The following ZNF90 variants were observed in gnomAD, a reference collection of about 807,000 sequenced individuals.
The protein encoded by ZNF90 is zinc finger protein HTF9.
A neutral mutation model predicts 12.0 loss-of-function variants in ZNF90; 11 were observed. The observed-to-expected ratio is 0.92, with a 90% CI of 0.58 to 1.52. The LOEUF is 1.52. ZNF90 is among the 40% of genes most tolerant of loss of function. ZNF90 has a pLI of 0.00. For synonymous variants in ZNF90, 232 were observed against 240.1 expected (o/e 0.97, Z 0.31); for missense variants, 765 against 711.5 (o/e 1.08, Z -0.86).
In ZNF90 at chr19:20,105,347, C is replaced by A; in HGVS notation, c.226+31C>A. On this transcript the variant is annotated intron_variant, in intron 3 of 3. Coordinates refer to ENST00000418063, the MANE Select transcript of ZNF90 (RefSeq NM_007138.2). ...TGCGAGTGAAAATGAATACAACAGA[C>A]AACACAGATAAGAGGTCCCAAGGTC... The A allele has an allele frequency of 5.1e-6, 8 of 1,562,608 alleles. No individual in the cohort carries two copies. The East Asian group carries it at 1.8e-4, about 36-fold the overall frequency.
In ZNF90 at chr19:20,118,851, G is replaced by A. The variant is rs1555706166; in HGVS notation, c.1297G>A (p.Val433Ile). 4.4e-6 allele frequency: 7 copies of A among 1,605,808 alleles called. No individual in the cohort carries two copies. The highest frequency in any genetic ancestry group is 1.3e-5 in the African/African-American group (1 of 74,438). ...CTACAAATGTCAAGAATGTGACAAA[G>A]TCTTCAAACGCTCCTCAGCCCTTAG... ...KPYKCQECDK[V>I]FKRSSALSTH... The change falls in exon 4 of 4, where the codon GTC becomes ATC. Residue 433 changes from valine (V) to isoleucine (I), a missense_variant. Physicochemically the swap from Val to Ile is conservative, Grantham distance 29. Transcript: ENST00000418063.
intron 1 of ZNF90, 24 bp from the exon 2 acceptor site, chr19:20,104,215 T>A: frequency 6.2e-7 from 1 of 1,611,530 alleles, no homozygotes; most frequent in Non-Finnish European, 8.5e-7. Flanking sequence ...TAAAAATGTG[T>A]GTGTGTATAT....
chr19:20,080,323 G>T, intron 1 of ZNF90: 1 of 518,606 alleles, frequency 1.9e-6, no homozygotes, highest in South Asian at 1.6e-5. Flanking sequence ...TGTTTTACCA[G>T]TACAACACTC....
chr19:20,094,769 C>T (rs2088929574), intron 1 of ZNF90, among the ~76,000 whole-genome samples: 1 of 150,996 alleles, frequency 6.6e-6, no homozygotes, highest in South Asian at 2.1e-4. Context: ...CAGAGTTAGA[C>T]ATTGGAATTC....
intron 1 of ZNF90, among the ~76,000 whole-genome samples, chr19:20,081,958 G>A (rs2088823682): frequency 6.6e-6 from 1 of 151,764 alleles, no homozygotes; most frequent in Admixed American, 6.6e-5. Context: ...TAGAGACGGG[G>A]TTTCACCATG....
chr19:20,085,268 C>CTTTTTTTTTTTCTTTTTTTTT (rs56068843), intron 1 of ZNF90, among the ~76,000 whole-genome samples: 39 of 135,570 alleles, frequency 2.9e-4, no homozygotes, highest in African/African-American at 1.0e-3. Flanking sequence ...TTGCATTGGT[C>CTTTTTTTTTTTCTTTTTTTTT]TTTTTTTTTT....
intron 3 of ZNF90, among the ~76,000 whole-genome samples, chr19:20,107,350 GTCTGTA>G (rs2089049010): frequency 1.3e-5 from 2 of 152,126 alleles, no homozygotes; most frequent in African/African-American, 4.8e-5. Flanking sequence ...CCCGATCCTG[GTCTGTA>G]GCCAAGAACA....
At chr19:20,106,627 G>C (rs1378495271) in intron 3 of ZNF90, among the ~76,000 whole-genome samples, 2 of 152,128 alleles carry the variant, frequency 1.3e-5, no homozygotes, top group African/African-American at 4.8e-5. Flanking sequence ...CTAATTTTTT[G>C]TATTTTTAGT....
intron 3 of ZNF90, among the ~76,000 whole-genome samples, chr19:20,113,932 CTG>C (rs1555705417): frequency 2.6e-5 from 4 of 152,034 alleles, no homozygotes; most frequent in African/African-American, 9.7e-5. Context: ...AATACTAACT[CTG>C]TATTTTTTTA....
intron 3 of ZNF90, among the ~76,000 whole-genome samples, chr19:20,117,260 T>A (rs545117033): frequency 1.3e-5 from 2 of 152,138 alleles, no homozygotes; most frequent in Non-Finnish European, 2.9e-5. Flanking sequence ...GTCAGGCTGG[T>A]CTCAACCTCC....
intron 1 of ZNF90, among the ~76,000 whole-genome samples, chr19:20,081,695 C>T (rs373327573): frequency 6.6e-6 from 1 of 152,152 alleles, no homozygotes; most frequent in East Asian, 1.9e-4. Flanking sequence ...CTATCTGTAG[C>T]GAAAATCAGT....
intron 1 of ZNF90, among the ~76,000 whole-genome samples, chr19:20,085,834 T>G (rs536293888): frequency 2.2e-4 from 33 of 152,332 alleles, no homozygotes; most frequent in Admixed American, 8.5e-4. Context: ...TGACTCCAGA[T>G]TATCTTTATC....
At chr19:20,085,463 G>C (rs1196248283) in intron 1 of ZNF90, among the ~76,000 whole-genome samples, 9 of 151,256 alleles carry the variant, frequency 6.0e-5, no homozygotes, top group African/African-American at 2.2e-4. Flanking sequence ...GGTTTCACCG[G>C]GCTAGCCAGG....
chr19:20,119,210 T>G lies in ZNF90; in HGVS notation c.1656T>G (p.Leu552=). 6.2e-7 allele frequency: 1 copy of G among 1,613,868 alleles called. No individual in the cohort carries two copies. Among genetic ancestry groups the G allele is most frequent in the Non-Finnish European group, 8.5e-7 (1 of 1,179,912 alleles). ...CGKAFKRSSQ[L]TSHKISHTGE... is the part of the protein sequence containing the mutation. ...AAGCCTTTAAGCGCTCCTCACAGCTTACTAGTCATAAGATAAGTCATACTG... is the reference window on the plus strand; with the variant it reads ...AAGCCTTTAAGCGCTCCTCACAGCTGACTAGTCATAAGATAAGTCATACTG... Residue 552 remains leucine (L), a synonymous_variant, in exon 4 of 4, where the codon CTT becomes CTG. Transcript: ENST00000418063.
rs782300720 is a variant in ZNF90, at chr19:20,118,620, C to T, written c.1066C>T (p.Leu356Phe). ...CAAAGCCTTCAGGCGCTCCTTAGTC[C>T]TTCGTACACATAAGAGAATTCATAC... ...CGKAFRRSLV[L>F]RTHKRIHTGE... Residue 356 changes from leucine (L) to phenylalanine (F), a missense_variant, in exon 4 of 4, where the codon CTT becomes TTT. Leu to Phe is a conservative substitution (Grantham distance 22, BLOSUM62 0). Transcript: ENST00000418063. 18 of 1,612,346 alleles carry T rather than the reference C, an allele frequency of 1.1e-5. No homozygotes were observed. In the African/African-American group the frequency reaches 2.1e-4, roughly 19 times the overall value.
chr19:20,107,996 G>T (rs1463710758), intron 3 of ZNF90, among the ~76,000 whole-genome samples: 2 of 151,922 alleles, frequency 1.3e-5, no homozygotes, highest in Non-Finnish European at 2.9e-5. Context: ...ATATCAGAGG[G>T]TCTAACCCTA....
At chr19:20,086,344 C>T (rs2088859793) in intron 1 of ZNF90, among the ~76,000 whole-genome samples, 1 of 149,480 alleles carries the variant, frequency 6.7e-6, no homozygotes, top group Non-Finnish European at 1.5e-5. Context: ...AAGTGATTCT[C>T]CTGCCTCAGC....
intron 1 of ZNF90, among the ~76,000 whole-genome samples, chr19:20,093,775 C>T (rs1438482651): frequency 3.3e-5 from 5 of 152,056 alleles, no homozygotes; most frequent in South Asian, 2.1e-4. Context: ...GGGTAGCCCC[C>T]GTATCGATTA....
rs369361901 is a variant in ZNF90 at position 20,080,061 on chromosome 19, G to A, written c.3+1926G>A. 151 of 334,804 alleles carry A rather than the reference G, an allele frequency of 4.5e-4. 1 individual carries two copies. The highest frequency in any genetic ancestry group is 3.2e-3 in the African/African-American group (144 of 45,700). 20.7% of individuals were successfully genotyped at this position (334,804 alleles called of 1,614,324 possible). On this transcript the variant is annotated intron_variant, in intron 1 of 3. Coordinates refer to ENST00000418063, the MANE Select transcript of ZNF90 (RefSeq NM_007138.2). ...AGCGATTCTCCTGCCTCAGCCTCCC[G>A]AGTAGCTGGGATTACAGGCATGCAC...
Sources: gnomAD v4.1 joint callset for allele counts (sites outside exome capture counted in the v4.1 genomes callset) on GRCh38, gnomAD v4.1.1 for gene constraint, MANE v1.5 for transcripts, NCBI Gene and HGNC (gene_info 2026-07-23, HGNC 2026-07-21) for gene names.